Variants in TSPAN16 observed in about 807,000 individuals in gnomAD.
TSPAN16 encodes tetraspanin 16, also known as tetraspanin-16.
In TSPAN16, 23 loss-of-function variants were observed where a neutral mutation model predicts 25.2. The observed-to-expected ratio is 0.91, with a 90% CI of 0.66 to 1.29. The LOEUF (loss-of-function observed/expected upper bound fraction) is 1.29. Ranked by LOEUF, TSPAN16 falls within the 50% of genes most tolerant of loss-of-function variation. The probability of loss-of-function intolerance (pLI) is 0.00; values close to 1 mark genes in which losing one functional copy is unlikely to be tolerated. For missense variants in TSPAN16, 272 were observed against 299.9 expected (o/e 0.91, Z 0.69); for synonymous variants, 123 against 124.4 (o/e 0.99, Z 0.08).
intron 5 of TSPAN16, among the ~76,000 whole-genome samples, chr19:11,308,473 A>AT (rs766587009): frequency 0.011 from 1,367 of 123,246 alleles, 13 homozygotes; most frequent in African/African-American, 0.021. Context: ...TAATTTTTGC[A>AT]TTTTTTTTTT....
chr19:11,316,117 GGTTTTTTTTT>G (rs1260306650), downstream of TSPAN16: 62 of 228,904 alleles, frequency 2.7e-4, 1 homozygote, highest in East Asian at 3.9e-3. Flanking sequence ...GTGTGTGTGT[GGTTTTTTTTT>G]TTTTTTCCTT....
intron 6 of TSPAN16, among the ~76,000 whole-genome samples, chr19:11,314,843 C>A (rs1003828544): frequency 6.6e-6 from 1 of 152,132 alleles, no homozygotes. Flanking sequence ...CCCGCTCACC[C>A]GTCTTCTCCC....
rs1259016372 is a variant in TSPAN16, at chr19:11,312,166, A to C, written c.631A>C (p.Thr211Pro). 6 of 1,612,108 alleles carry C rather than the reference A, an allele frequency of 3.7e-6. No individual in the cohort carries two copies. Among genetic ancestry groups the C allele is most frequent in the Non-Finnish European group, 5.1e-6 (6 of 1,179,616 alleles). Reference sequence around the variant, plus strand: ...CTGTTTCCATAAACTCCTAAAAATCACCAAGACTCAGAGCTTCACCCTGAG... The same window carrying C: ...CTGTTTCCATAAACTCCTAAAAATCCCCAAGACTCAGAGCTTCACCCTGAG... ...KGCFHKLLKITKTQSFTLSGS... is the reference protein window; with the variant it reads ...KGCFHKLLKIPKTQSFTLSGS... The change falls in exon 6 of 7, where the codon ACC (threonine) becomes CCC (proline). Residue 211 changes from threonine (T) to proline (P), a missense_variant. Thr to Pro is a conservative substitution (Grantham distance 38). Coordinates refer to ENST00000590327, the MANE Select transcript of TSPAN16 (RefSeq NM_001282509.2).
At chr19:11,314,885 G>C (rs376111261) in intron 6 of TSPAN16, among the ~76,000 whole-genome samples, 41 of 152,276 alleles carry the variant, frequency 2.7e-4, no homozygotes, top group Middle Eastern at 3.4e-3. Flanking sequence ...CTAACCGGAA[G>C]TTATGTGGCA....
chr19:11,312,322 T>TAAAAAAAAAAAAAAA (rs56982210), intron 6 of TSPAN16, 100 bp downstream of exon 6: 2 of 293,944 alleles, frequency 6.8e-6, no homozygotes, highest in Non-Finnish European at 5.7e-6. Context: ...TGAACAAAAC[T>TAAAAAAAAAAAAAAA]AAAAAAAAAA....
chr19:11,318,656 C>CT (rs74180018), downstream of TSPAN16, among the ~76,000 whole-genome samples: 38,374 of 149,106 alleles, frequency 0.26, 4,884 homozygotes, highest in Middle Eastern at 0.3. Flanking sequence ...TTTTCTTTTT[C>CT]TTTTTTTTTT....
At chr19:11,309,786 A>G (rs936852845) in intron 5 of TSPAN16, among the ~76,000 whole-genome samples, 25 of 152,186 alleles carry the variant, frequency 1.6e-4, no homozygotes, top group Admixed American at 1.5e-3. Flanking sequence ...CCACTGTCCA[A>G]TTCAGTGCCA....
intron 3 of TSPAN16, 69 bp from the exon 4 acceptor site, chr19:11,301,132 G>C: frequency 7.4e-7 from 1 of 1,349,586 alleles, no homozygotes. Flanking sequence ...CTATCCTCAA[G>C]AACCTCGGCC....
rs549335631 is a variant in TSPAN16 at position 11,301,321 on chromosome 19, TA to T, written c.450+25del. The T allele has an allele frequency of 0.052, 55,624 of 1,075,706 alleles. 2 individuals carry two copies. The highest frequency in any genetic ancestry group is 0.066 in the South Asian group (3,337 of 50,874). 66.6% of individuals were successfully genotyped at this position (1,075,706 alleles called of 1,614,324 possible). On this transcript the variant is annotated intron_variant, in intron 4 of 6. Transcript: ENST00000590327. ...GGTCATGGAGAAGGTGAGGCTTACT[TA>T]AAAAAAAAAAATTGTGGTGTAAAGG...
intron 6 of TSPAN16, chr19:11,325,671 C>G: frequency 7.7e-7 from 1 of 1,301,460 alleles, no homozygotes; most frequent in African/African-American, 1.5e-5. Context: ...GGCTTCTAAG[C>G]CTAGTTCTGC....
intron 3 of TSPAN16, among the ~76,000 whole-genome samples, chr19:11,300,073 C>G (rs1358328175): frequency 6.6e-6 from 1 of 151,876 alleles, no homozygotes; most frequent in Non-Finnish European, 1.5e-5. Context: ...AGTTAAAATA[C>G]ATCGACACAG....
At chr19:11,311,974 G>A (rs948998559) in intron 5 of TSPAN16, among the ~76,000 whole-genome samples, 165 bp from the exon 6 acceptor site, 4 of 152,124 alleles carry the variant, frequency 2.6e-5, no homozygotes, top group Non-Finnish European at 5.9e-5. Flanking sequence ...CGGGGAGCGG[G>A]TGGCAGTCAA....
intron 6 of TSPAN16, chr19:11,324,247 C>T (rs929902336): frequency 6.6e-6 from 1 of 151,962 alleles, no homozygotes; most frequent in African/African-American, 2.5e-5. Flanking sequence ...CAGAGCCAGA[C>T]CATCTCAAAA....
intron 5 of TSPAN16, among the ~76,000 whole-genome samples, chr19:11,308,566 G>C (rs1200925072): frequency 6.6e-6 from 1 of 151,958 alleles, no homozygotes; most frequent in East Asian, 1.9e-4. Context: ...TGCCTCCCAG[G>C]TTCATGCCAT....
At chr19:11,320,837 A>T (rs1226711703), downstream of TSPAN16, among the ~76,000 whole-genome samples, 1 of 152,056 alleles carries the variant, frequency 6.6e-6, no homozygotes, top group Admixed American at 6.6e-5. Flanking sequence ...CTGTTTTCCT[A>T]CTGCTGGAAA....
intron 4 of TSPAN16, among the ~76,000 whole-genome samples, chr19:11,304,744 T>G (rs1484598832): frequency 6.7e-6 from 1 of 148,760 alleles, no homozygotes; most frequent in Non-Finnish European, 1.5e-5. Flanking sequence ...CAGGATGATC[T>G]TGATCTCCTG....
intron 6 of TSPAN16, among the ~76,000 whole-genome samples, chr19:11,326,327 G>A (rs1291081679): frequency 1.3e-5 from 2 of 152,138 alleles, no homozygotes; most frequent in Non-Finnish European, 2.9e-5. Context: ...GCAGCAGTGA[G>A]CCATGATCAC....
At position 11,311,224 on chromosome 19, in the gene TSPAN16, T is replaced by G. The variant is rs143237759; in HGVS notation, c.604-915T>G. ...AATCTCGGCTCACTACAACCTCCGA[T>G]TCCCTGGTTCAAGTGATTCTCCTGC... On this transcript the variant is annotated intron_variant, in intron 5 of 6. Coordinates refer to ENST00000590327, the MANE Select transcript of TSPAN16 (RefSeq NM_001282509.2). Among the ~76,000 whole-genome samples, 110 of 152,270 alleles carry G rather than the reference T, an allele frequency of 7.2e-4. No homozygotes were observed. The East Asian group carries it at 0.014, about 19-fold the overall frequency.
At chr19:11,315,007 G>A (rs895412440) in intron 6 of TSPAN16, among the ~76,000 whole-genome samples, 5 of 151,768 alleles carry the variant, frequency 3.3e-5, no homozygotes, top group Non-Finnish European at 7.4e-5. Flanking sequence ...AGGCCGAGGC[G>A]AATGGATCAC....
Sources: allele counts gnomAD v4.1 joint callset (sites outside exome capture counted in the v4.1 genomes callset), GRCh38; gene constraint gnomAD v4.1.1; transcripts MANE v1.5; gene names NCBI Gene and HGNC (gene_info 2026-07-23, HGNC 2026-07-21).